UVRAG: variants seen among roughly 807,000 people sequenced by gnomAD.
UVRAG encodes the protein UV radiation resistance associated, also known as UV radiation resistance-associated gene protein.
Under a neutral mutation model 78.0 loss-of-function variants are expected in UVRAG, and 19 were observed. That is an observed-to-expected ratio of 0.24 (90% CI 0.17 to 0.36). UVRAG has a LOEUF of 0.36. Ranked by LOEUF, UVRAG falls within the 10% of genes least tolerant of loss-of-function variation. The pLI, the probability that UVRAG is intolerant of heterozygous loss-of-function variation, is 1.00. For synonymous variants in UVRAG, 323 were observed against 324.6 expected, an observed-to-expected ratio of 1.00 and a Z score of 0.05; for missense variants, 740 against 853.8, an observed-to-expected ratio of 0.87 and a Z score of 1.66.
At chr11:76,032,658 G>C (rs1795318874) in intron 12 of UVRAG, among the ~76,000 whole-genome samples, 1 of 152,284 alleles carries the variant, frequency 6.6e-6, no homozygotes, top group South Asian at 2.1e-4. Context: ...ATCAGCACAG[G>C]GTTGGGTTGC....
At chr11:75,877,612 ACC>A (rs528561227) in intron 3 of UVRAG, among the ~76,000 whole-genome samples, 2 of 112,056 alleles carry the variant, frequency 1.8e-5, no homozygotes, top group African/African-American at 3.5e-5. Flanking sequence ...CGGGGGGCTG[ACC>A]CCCCCACCTC....
At chr11:76,008,073 G>A (rs1796491637) in intron 10 of UVRAG, among the ~76,000 whole-genome samples, 1 of 151,888 alleles carries the variant, frequency 6.6e-6, no homozygotes, top group South Asian at 2.1e-4. Flanking sequence ...ACGATGCCTG[G>A]CTAATTTTTT....
chr11:76,103,852 G>T (rs1035529784), intron 13 of UVRAG, among the ~76,000 whole-genome samples: 3 of 151,696 alleles, frequency 2.0e-5, no homozygotes, highest in African/African-American at 7.3e-5. Context: ...TAGAAACAAC[G>T]ATTTTAAAAG....
At chr11:76,092,012 G>C (rs547742585) in intron 13 of UVRAG, among the ~76,000 whole-genome samples, 1 of 151,328 alleles carries the variant, frequency 6.6e-6, no homozygotes, top group Non-Finnish European at 1.5e-5. Context: ...AGGCCCCGGC[G>C]TGTGATATTC....
At chr11:76,056,228 A>G (rs138368963) in intron 12 of UVRAG, among the ~76,000 whole-genome samples, 3 of 152,320 alleles carry the variant, frequency 2.0e-5, no homozygotes, top group African/African-American at 7.2e-5. Context: ...TTCACTTGGC[A>G]TATTATTGTA....
intron 14 of UVRAG, among the ~76,000 whole-genome samples, chr11:76,138,210 G>C (rs765569387): frequency 4.6e-5 from 7 of 152,232 alleles, no homozygotes; most frequent in Admixed American, 3.9e-4. Context: ...ACTTGAATTT[G>C]AATGTCGTGT....
At chr11:75,912,723 A>G (rs1019329933) in intron 6 of UVRAG, among the ~76,000 whole-genome samples, 2 of 152,244 alleles carry the variant, frequency 1.3e-5, no homozygotes, top group South Asian at 2.1e-4. Context: ...AGTATTTTCT[A>G]ATGTTTACGT....
At chr11:76,124,056 G>A (rs1416973768) in intron 14 of UVRAG, among the ~76,000 whole-genome samples, 2 of 152,196 alleles carry the variant, frequency 1.3e-5, no homozygotes, top group African/African-American at 2.4e-5. Flanking sequence ...GAGCCACCAC[G>A]CCCAGCTGAG....
intron 12 of UVRAG, among the ~76,000 whole-genome samples, chr11:76,057,474 T>C (rs1377016685): frequency 6.6e-6 from 1 of 152,182 alleles, no homozygotes; most frequent in East Asian, 1.9e-4. Context: ...AAATGATAAA[T>C]GGAAACAGAA....
At chr11:75,989,763 T>C (rs975384166) in intron 8 of UVRAG, among the ~76,000 whole-genome samples, 1 of 152,220 alleles carries the variant, frequency 6.6e-6, no homozygotes, top group Non-Finnish European at 1.5e-5. Context: ...CCATAGTGTT[T>C]TGATGTCGTC....
chr11:76,113,694 GGTTC>G (rs1565166556), intron 13 of UVRAG, among the ~76,000 whole-genome samples: 2 of 152,034 alleles, frequency 1.3e-5, no homozygotes. Flanking sequence ...GTTATTAAGC[GGTTC>G]TAGCCTTGGC....
At chr11:76,077,015 CAA>C (rs113696599) in intron 13 of UVRAG, among the ~76,000 whole-genome samples, 17 of 124,094 alleles carry the variant, frequency 1.4e-4, no homozygotes, top group Non-Finnish European at 1.0e-4. Flanking sequence ...AACCCTGTCT[CAA>C]AAAAAAAAAA....
intron 7 of UVRAG, among the ~76,000 whole-genome samples, chr11:75,968,457 A>G (rs944134437): frequency 1.3e-5 from 2 of 152,320 alleles, no homozygotes; most frequent in East Asian, 1.9e-4. Flanking sequence ...TAGATCCCAC[A>G]TGGGTTTGTT....
chr11:75,969,116 T>C (rs906911633), intron 7 of UVRAG, among the ~76,000 whole-genome samples: 1 of 152,198 alleles, frequency 6.6e-6, no homozygotes, highest in African/African-American at 2.4e-5. Context: ...AAACTGAAAC[T>C]GTACGCATTA....
At chr11:75,942,706 C>G (rs559689942) in intron 6 of UVRAG, among the ~76,000 whole-genome samples, 1 of 152,004 alleles carries the variant, frequency 6.6e-6, no homozygotes, top group African/African-American at 2.4e-5. Flanking sequence ...GTTTATCAGA[C>G]ACAATACAGG....
intron 4 of UVRAG, among the ~76,000 whole-genome samples, chr11:75,886,950 T>A (rs78048896): frequency 0.065 from 9,928 of 151,714 alleles, 447 homozygotes; most frequent in African/African-American, 0.13. Context: ...GTTTTTTTTT[T>A]AATCTGAGTT....
intron 3 of UVRAG, among the ~76,000 whole-genome samples, chr11:75,879,503 CAG>C (rs1946890631): frequency 6.6e-6 from 1 of 152,186 alleles, no homozygotes; most frequent in South Asian, 2.1e-4. Context: ...TTGCACAAAA[CAG>C]TGTAATTATT....
intron 9 of UVRAG, 101 bp downstream of exon 9, chr11:76,004,190 C>A: frequency 9.0e-7 from 1 of 1,106,962 alleles, no homozygotes; most frequent in Non-Finnish European, 1.4e-6. Context: ...TAATTTATAG[C>A]CCATATACCT....
At chr11:76,062,269 A>G (rs1259624847) in intron 12 of UVRAG, among the ~76,000 whole-genome samples, 1 of 152,198 alleles carries the variant, frequency 6.6e-6, no homozygotes, top group African/African-American at 2.4e-5. Context: ...TCTTTTCATC[A>G]AATAAGTTAA....
Sources: gnomAD v4.1 joint callset for allele counts (sites outside exome capture counted in the v4.1 genomes callset) on GRCh38, gnomAD v4.1.1 for gene constraint, MANE v1.5 for transcripts, NCBI Gene and HGNC (gene_info 2026-07-23, HGNC 2026-07-21) for gene names.